The following WARS2 variants were observed in gnomAD, a reference collection of about 807,000 sequenced individuals.
WARS2 encodes tryptophanyl tRNA synthetase 2, mitochondrial, also known as tryptophan--tRNA ligase, mitochondrial.
In WARS2, 28 loss-of-function variants were observed where a neutral mutation model predicts 36.5. That is an observed-to-expected ratio of 0.77 (90% CI 0.57 to 1.05). The LOEUF (loss-of-function observed/expected upper bound fraction) is 1.05, where lower values mean the gene tolerates loss of function less well. Ranked by LOEUF, WARS2 falls within the 50% of genes least tolerant of loss-of-function variation. The probability of loss-of-function intolerance (pLI) is 0.00; values close to 1 mark genes in which losing one functional copy is unlikely to be tolerated. For missense variants in WARS2, 435 were observed against 456.8 expected (o/e 0.95, Z 0.44); for synonymous variants, 174 against 178.4 (o/e 0.98, Z 0.20).
intron 1 of WARS2, chr1:119,127,274 G>T: frequency 1.4e-6 from 1 of 727,374 alleles, no homozygotes; most frequent in Non-Finnish European, 2.4e-6. Context: ...TAAGGCGCTT[G>T]TTCTTGCCAA....
intron 1 of WARS2, among the ~76,000 whole-genome samples, chr1:119,076,951 C>G (rs1316410134): frequency 6.6e-6 from 1 of 151,792 alleles, no homozygotes; most frequent in African/African-American, 2.4e-5. Context: ...ACCAGCCTGG[C>G]CAACATGGTG....
chr1:119,117,702 C>T (rs1453742084), intron 1 of WARS2, among the ~76,000 whole-genome samples: 1 of 152,218 alleles, frequency 6.6e-6, no homozygotes, highest in Non-Finnish European at 1.5e-5. Flanking sequence ...TCCCCTGCCA[C>T]CTCTACCAGA....
chr1:119,127,983 G>T (rs1015906676), intron 1 of WARS2, among the ~76,000 whole-genome samples: 3 of 152,104 alleles, frequency 2.0e-5, no homozygotes, highest in African/African-American at 7.2e-5. Context: ...TTCTCTCATT[G>T]TAACTAACCT....
intron 1 of WARS2, among the ~76,000 whole-genome samples, chr1:119,087,930 G>A (rs1652789360): frequency 6.6e-6 from 1 of 152,180 alleles, no homozygotes; most frequent in Admixed American, 6.5e-5. Context: ...TAGCATCATG[G>A]CTTGGGAACT....
At chr1:119,043,144 T>C (rs1170123982) in intron 3 of WARS2, among the ~76,000 whole-genome samples, 2 of 152,262 alleles carry the variant, frequency 1.3e-5, no homozygotes, top group Non-Finnish European at 2.9e-5. Flanking sequence ...TGGCTGCACA[T>C]TGCTGACATG....
At position 119,045,676 on chromosome 1, in the gene WARS2, A is replaced by G; in HGVS notation, c.349-14T>C. 6.4e-7 allele frequency: 1 copy of G among 1,570,874 alleles called. No individual in the cohort carries two copies. Among genetic ancestry groups the G allele is most frequent in the South Asian group, 1.2e-5 (1 of 86,396 alleles). On this transcript the variant is annotated splice_polypyrimidine_tract_variant and intron_variant, in intron 2 of 5. Coordinates refer to ENST00000235521, the MANE Select transcript of WARS2 (RefSeq NM_015836.4). ...GTGTTCAGACACCTAAAGAAATAAA[A>G]TAGAACATTAGTAAAGGTGGCCAGT... is the stretch of plus-strand genomic sequence containing the variant.
Position 119,078,244 on chromosome 1 carries a change from A to G in WARS2, c.91-1637T>C, listed in dbSNP as rs587721814. 2.0e-5 allele frequency among the ~76,000 whole-genome samples: 3 copies of G among 152,312 alleles called. No individual in the cohort carries two copies. In the South Asian group the frequency reaches 6.2e-4, roughly 32 times the overall value. Reference sequence around the variant, plus strand: ...TTATATTCATTGTATTAATTTTGCAACTTTTCAGTCAGTTTAAAAATTTGC... The same window carrying G: ...TTATATTCATTGTATTAATTTTGCAGCTTTTCAGTCAGTTTAAAAATTTGC... On this transcript the variant is annotated intron_variant, in intron 1 of 5. Transcript: ENST00000235521.
chr1:119,101,822 T>C (rs1653888306), intron 1 of WARS2, among the ~76,000 whole-genome samples: 1 of 152,150 alleles, frequency 6.6e-6, no homozygotes, highest in Non-Finnish European at 1.5e-5. Flanking sequence ...ATTCCAGAGC[T>C]ACAAGCCGCA....
chr1:119,046,728 T>G (rs1648884136), intron 2 of WARS2, among the ~76,000 whole-genome samples: 1 of 151,296 alleles, frequency 6.6e-6, no homozygotes, highest in Non-Finnish European at 1.5e-5. Flanking sequence ...GGCCTATGCA[T>G]CCCGTTTCTT....
At chr1:119,073,744 A>G (rs1233503946) in intron 2 of WARS2, among the ~76,000 whole-genome samples, 4 of 152,196 alleles carry the variant, frequency 2.6e-5, no homozygotes, top group Non-Finnish European at 5.9e-5. Context: ...ATTGTGGGTT[A>G]CTTCTTCAAT....
chr1:119,103,877 A>AAG (rs1396920689), intron 1 of WARS2, among the ~76,000 whole-genome samples: 1 of 151,476 alleles, frequency 6.6e-6, no homozygotes, highest in Non-Finnish European at 1.5e-5. Flanking sequence ...TTTCCTTTTT[A>AAG]ATTAAAAGAA....
rs942797963 is a variant in WARS2 at position 119,035,090 on chromosome 1, C to T, written c.516-877G>A. Among the ~76,000 whole-genome samples, 5 of 152,260 alleles carry T rather than the reference C, an allele frequency of 3.3e-5. No individual in the cohort carries two copies. The East Asian group carries it at 7.7e-4, about 23-fold the overall frequency. ...AAAAATATCAGAATATAGGGAATGA[C>T]TTCATCATGAGTTTAATCCCATATG... is the stretch of plus-strand genomic sequence containing the variant. On this transcript the variant is annotated intron_variant, in intron 4 of 5. Transcript: ENST00000235521.
chr1:119,082,267 C>A, intron 1 of WARS2: 3 of 985,276 alleles, frequency 3.0e-6, no homozygotes, highest in Non-Finnish European at 3.6e-6. Context: ...AAATATTCCC[C>A]CACAGGCTTA....
chr1:119,069,766 G>T (rs566931099), intron 2 of WARS2, among the ~76,000 whole-genome samples: 62 of 152,282 alleles, frequency 4.1e-4, no homozygotes, highest in African/African-American at 1.5e-3. Context: ...AAAGGTGACT[G>T]TGGCTGCCTT....
At position 119,085,982 on chromosome 1, in the gene WARS2, G is replaced by C; in HGVS notation, c.91-9375C>G. 4 of 1,606,506 alleles carry C rather than the reference G, an allele frequency of 2.5e-6. No individual in the cohort carries two copies. In the East Asian group the frequency reaches 6.7e-5, roughly 27 times the overall value. ...CCACGGGCCCAAACTCAGCGTTCAG[G>C]TATCAGTGCCCAGGCAAGGCAGTGT... On this transcript the variant is annotated intron_variant, in intron 1 of 5. Transcript: ENST00000235521.
intron 4 of WARS2, among the ~76,000 whole-genome samples, chr1:119,036,733 T>A (rs1647917710): frequency 6.6e-6 from 1 of 152,244 alleles, no homozygotes; most frequent in African/African-American, 2.4e-5. Context: ...TCTGCATGCA[T>A]CTTTGCCTGA....
At chr1:119,108,113 A>C (rs1654371659) in intron 1 of WARS2, among the ~76,000 whole-genome samples, 1 of 152,028 alleles carries the variant, frequency 6.6e-6, no homozygotes, top group Admixed American at 6.6e-5. Context: ...ATCCATATTC[A>C]TAAGACATAC....
chr1:119,104,911 A>G (rs928191098), intron 1 of WARS2, among the ~76,000 whole-genome samples: 1 of 152,134 alleles, frequency 6.6e-6, no homozygotes, highest in African/African-American at 2.4e-5. Context: ...GTATGCTATG[A>G]CAAGGAGCTT....
chr1:119,116,569 T>A (rs587738849), intron 1 of WARS2, among the ~76,000 whole-genome samples: 11 of 152,092 alleles, frequency 7.2e-5, no homozygotes, highest in Non-Finnish European at 1.5e-4. Flanking sequence ...GTTCCCAAAG[T>A]GTGAAAGGGG....
Sources: gnomAD v4.1 joint callset for allele counts (sites outside exome capture counted in the v4.1 genomes callset) on GRCh38, gnomAD v4.1.1 for gene constraint, MANE v1.5 for transcripts, NCBI Gene and HGNC (gene_info 2026-07-23, HGNC 2026-07-21) for gene names.